PNKP: variants seen among roughly 807,000 people sequenced by gnomAD.
PNKP encodes the protein bifunctional polynucleotide phosphatase/kinase.
In PNKP, 82 loss-of-function variants were observed where a neutral mutation model predicts 66.2. That is an observed-to-expected ratio of 1.24 (90% CI 1.04 to 1.49). The LOEUF is 1.49. Among genes scored for constraint, PNKP ranks in the 40% most tolerant of loss-of-function variants. The probability of loss-of-function intolerance (pLI) is 0.00; values close to 1 mark genes in which losing one functional copy is unlikely to be tolerated. For missense variants in PNKP, 907 were observed against 706.8 expected, an observed-to-expected ratio of 1.28 and a Z score of -3.21; for synonymous variants, 412 against 298.9, an observed-to-expected ratio of 1.38 and a Z score of -3.90.
intron 4 of PNKP, 50 bp from the exon 5 acceptor site, chr19:49,864,453 C>T: frequency 7.1e-7 from 1 of 1,401,770 alleles, no homozygotes; most frequent in Non-Finnish European, 1.0e-6. Flanking sequence ...ACCTCTGACC[C>T]TCCTCACTCA....
chr19:49,862,020 G>A (rs370351286), intron 13 of PNKP, 24 bp downstream of exon 13: 1 of 1,613,246 alleles, frequency 6.2e-7, no homozygotes, highest in Non-Finnish European at 8.5e-7. Flanking sequence ...TAATAGATTT[G>A]GGGCGGCAAA....
chr19:49,866,321 A>G, intron 3 of PNKP, 78 bp downstream of exon 3: 1 of 1,306,872 alleles, frequency 7.7e-7, no homozygotes, highest in Middle Eastern at 2.0e-4. Flanking sequence ...TTCCTAATGT[A>G]CCCCTTCACT....
rs1042120334 is a variant in PNKP, at chr19:49,862,437, G to A, written c.963C>T (p.Phe321=). The part of the protein sequence containing the change: ...RLFALNLGLP[F]ATPEEFFLKW... ...TGAGAAAGAACTCCTCAGGCGTGGC[G>A]AAGGGCAGGCCAAGGTTGAGGGCAA... is the stretch of plus-strand genomic sequence containing the variant. Residue 321 remains phenylalanine, a synonymous_variant, in exon 11 of 17, where the codon TTC becomes TTT. Coordinates refer to ENST00000322344, the MANE Select transcript of PNKP (RefSeq NM_007254.4). 5.7e-6 allele frequency: 9 copies of A among 1,585,822 alleles called. No homozygotes were observed. The highest frequency in any genetic ancestry group is 7.7e-6 in the Non-Finnish European group (9 of 1,165,958).
At position 49,867,098 on chromosome 19, in the gene PNKP, C is replaced by A. The variant is rs756589726; in HGVS notation, c.107G>T (p.Gly36Val). ...SDGQALVLGRGPLTQVTDRKC... is the reference protein window; with the variant it reads ...SDGQALVLGRVPLTQVTDRKC... ...CCGGTCCGTAACCTGGGTCAGGGGT[C>A]CCCTGCCCAGGACCAGGGCTTGCCC... Residue 36 changes from glycine (G) to valine (V), a missense_variant, in exon 2 of 17, where the codon GGA (glycine) becomes GTA (valine). Gly to Val is a moderately radical substitution (Grantham distance 109). Transcript: ENST00000322344. The A allele has an allele frequency of 3.1e-6, 5 of 1,613,608 alleles. No homozygotes were observed. In the African/African-American group the frequency reaches 6.7e-5, roughly 22 times the overall value.
chr19:49,865,459 T>A, intron 3 of PNKP, 33 bp from the exon 4 acceptor site: 1 of 1,523,612 alleles, frequency 6.6e-7, no homozygotes, highest in Non-Finnish European at 8.9e-7. Context: ...TGGGACTGGC[T>A]CCGCCCCCAC....
At position 49,864,410 on chromosome 19, in the gene PNKP, T is replaced by C; in HGVS notation, c.499-7A>G. 6.2e-7 allele frequency: 1 copy of C among 1,610,982 alleles called. No homozygotes were observed. The highest frequency in any genetic ancestry group is 8.5e-7 in the Non-Finnish European group (1 of 1,177,374). On this transcript the variant is annotated splice_polypyrimidine_tract_variant and splice_region_variant and intron_variant, in intron 4 of 16. Coordinates refer to ENST00000322344, the MANE Select transcript of PNKP (RefSeq NM_007254.4). ...CCAGATCAAAGCCAGCCACCTGGTG[T>C]CACCAAGGAAAGACAAACAGCAGCA...
rs115259839 is a variant in PNKP, at chr19:49,864,058, G to C, written c.650C>G (p.Thr217Ser). 307 of 1,613,894 alleles carry C rather than the reference G, an allele frequency of 1.9e-4. 2 individuals are homozygous for C. In the African/African-American group the frequency reaches 3.6e-3, roughly 19 times the overall value. Reference sequence around the variant, plus strand: ...CCCGCGCCCGATGCTCATCTGGTTGGTGAAGATCACCAGCTGGGGAGCAAA... The same window carrying C: ...CCCGCGCCCGATGCTCATCTGGTTGCTGAAGATCACCAGCTGGGGAGCAAA... ...EAEGYKLVIF[T>S]NQMSIGRGKL... Residue 217 changes from threonine to serine, a missense_variant, in exon 7 of 17, where the codon ACC becomes AGC. By Grantham distance (58) the Thr-to-Ser change is moderately conservative (BLOSUM62 1). Coordinates refer to ENST00000322344, the MANE Select transcript of PNKP (RefSeq NM_007254.4).
intron 2 of PNKP, chr19:49,866,805 T>G: frequency 1.7e-6 from 1 of 600,474 alleles, no homozygotes; most frequent in Non-Finnish European, 3.0e-6. Context: ...TGTTTCTGGA[T>G]TTCCCGATGG....
At position 49,865,584 on chromosome 19, in the gene PNKP, T is replaced by A. The variant is rs2074812936; in HGVS notation, c.199-158A>T. ...ACGGGCTTTGGAACGGTTACAGGTTTTCAGCCTTGTCCGAATCTTTTTTTT... is the reference window on the plus strand; with the variant it reads ...ACGGGCTTTGGAACGGTTACAGGTTATCAGCCTTGTCCGAATCTTTTTTTT... On this transcript the variant is annotated intron_variant, in intron 3 of 16. Coordinates refer to ENST00000322344, the MANE Select transcript of PNKP (RefSeq NM_007254.4). 8.4e-6 allele frequency: 5 copies of A among 595,530 alleles called. No homozygotes were observed. In the South Asian group the frequency reaches 1.0e-4, roughly 12 times the overall value. The allele number at this position is 595,530 out of a possible 1,614,324, so 36.9% of individuals were successfully genotyped here.
Position 49,861,591 on chromosome 19 carries a change from G to A in PNKP, c.1386+17C>T, listed in dbSNP as rs909658742. The A allele has an allele frequency of 1.9e-6, 3 of 1,559,050 alleles. No homozygotes were observed. Among genetic ancestry groups the A allele is most frequent in the African/African-American group, 1.4e-5 (1 of 73,554 alleles). On this transcript the variant is annotated intron_variant, in intron 15 of 16. Transcript: ENST00000322344. The stretch of plus-strand genomic sequence containing the variant: ...AGGGGGTGCAGCCCGGGGGGTGTCC[G>A]GGCTGAGCGGGCTCACCCGGTTGTT...
Position 49,861,656 on chromosome 19 carries a change from G to C in PNKP, c.1338C>G (p.Arg446=), listed in dbSNP as rs1487681927. 6.4e-7 allele frequency: 1 copy of C among 1,550,568 alleles called. No individual in the cohort carries two copies. Among genetic ancestry groups the C allele is most frequent in the Non-Finnish European group, 8.7e-7 (1 of 1,147,214 alleles). Residue 446 remains arginine (R), a synonymous_variant, in exon 15 of 17, where the codon CGC becomes CGG. Transcript: ENST00000322344. ...QCARAAGVPC[R]CFLFTATLEQ... is the part of the protein sequence containing the mutation. Reference sequence around the variant, plus strand: ...CCAGAGTGGCGGTGAAGAGGAAGCAGCGGCAGGGGACGCCCGCGGCTCGGG... The same window carrying C: ...CCAGAGTGGCGGTGAAGAGGAAGCACCGGCAGGGGACGCCCGCGGCTCGGG...
chr19:49,866,905 A>T, intron 2 of PNKP, 149 bp downstream of exon 2: 2 of 828,322 alleles, frequency 2.4e-6, no homozygotes, highest in Non-Finnish European at 4.3e-6. Flanking sequence ...AATCAAGCAC[A>T]AACTTTATCT....
chr19:49,862,613 A>G lies in PNKP; in HGVS notation c.866-5T>C. ...TGGCCGGGCGTCCGGCTGCGTCTGG[A>G]ACACACGGGACACCCCGTTCCCACC... On this transcript the variant is annotated splice_polypyrimidine_tract_variant and splice_region_variant and intron_variant, in intron 9 of 16. Coordinates refer to ENST00000322344, the MANE Select transcript of PNKP (RefSeq NM_007254.4). The G allele has an allele frequency of 1.9e-6, 3 of 1,613,848 alleles. No homozygotes were observed. Among genetic ancestry groups the G allele is most frequent in the Non-Finnish European group, 2.5e-6 (3 of 1,179,874 alleles).
Position 49,865,267 on chromosome 19 carries a change from G to T in PNKP, c.358C>A (p.Pro120Thr). The change falls in exon 4 of 17, where the codon CCT becomes ACT. Residue 120 changes from proline (P) to threonine (T), a missense_variant. Transcript: ENST00000322344. Reference protein sequence around the residue: ...RTPESQPDTPPGTPLVSQDEK... With the variant: ...RTPESQPDTPTGTPLVSQDEK... ...TCTTGGGACACCAGAGGGGTGCCAGGCGGAGTATCTGGCTGGGATTCTGGT... is the reference window on the plus strand; with the variant it reads ...TCTTGGGACACCAGAGGGGTGCCAGTCGGAGTATCTGGCTGGGATTCTGGT... 2 of 1,614,214 alleles carry T rather than the reference G, an allele frequency of 1.2e-6. No individual in the cohort carries two copies. Among genetic ancestry groups the T allele is most frequent in the Non-Finnish European group, 1.7e-6 (2 of 1,180,020 alleles).
chr19:49,863,682 G>GACTC lies in PNKP; in HGVS notation c.816+3_816+6dup. Reference sequence around the variant, plus strand: ...AGGAGGGGGGCCGGGCAGGCTGCAAGACTCACCTGCTCCTGCAGATGGTCC... The same window carrying GACTC: ...AGGAGGGGGGCCGGGCAGGCTGCAAGACTCACTCACCTGCTCCTGCAGATGGTCC... On this transcript the variant is annotated splice_region_variant and intron_variant, in intron 8 of 16. Coordinates refer to ENST00000322344, the MANE Select transcript of PNKP (RefSeq NM_007254.4). 1 of 1,551,178 alleles carries GACTC rather than the reference G, an allele frequency of 6.4e-7. No individual in the cohort carries two copies. The highest frequency in any genetic ancestry group is 8.7e-7 in the Non-Finnish European group (1 of 1,145,988).
At position 49,862,094 on chromosome 19, in the gene PNKP, T is replaced by G; in HGVS notation, c.1138A>C (p.Thr380Pro). The stretch of plus-strand genomic sequence containing the variant: ...GACACGAGGTGCTTCTTGAGAAAGG[T>G]GGACTTCCCGGCTGTGTGGGGGGCA... ...AVGFPGAGKSTFLKKHLVSAG... is the reference protein window; with the variant it reads ...AVGFPGAGKSPFLKKHLVSAG... Residue 380 changes from threonine (T) to proline (P), a missense_variant, in exon 13 of 17, where the codon ACC becomes CCC. Physicochemically the swap from Thr to Pro is conservative, Grantham distance 38 (BLOSUM62 -1). Coordinates refer to ENST00000322344, the MANE Select transcript of PNKP (RefSeq NM_007254.4). The G allele has an allele frequency of 3.1e-6, 5 of 1,613,986 alleles. No individual in the cohort carries two copies. The highest frequency in any genetic ancestry group is 4.2e-6 in the Non-Finnish European group (5 of 1,179,956).
chr19:49,867,123 C>T lies in PNKP; in HGVS notation c.82G>A (p.Gly28Arg). The change falls in exon 2 of 17, where the codon GGG (glycine) becomes AGG (arginine). Residue 28 changes from glycine to arginine, a missense_variant. Transcript: ENST00000322344. ...GAPPIFLPSD[G>R]QALVLGRGPL... ...CCCCTGCCCAGGACCAGGGCTTGCC[C>T]GTCCGAGGGCAGGAAGATGGGGGGC... 1.2e-6 allele frequency: 2 copies of T among 1,613,374 alleles called. No homozygotes were observed. The highest frequency in any genetic ancestry group is 1.7e-6 in the Non-Finnish European group (2 of 1,179,934).
At position 49,866,464 on chromosome 19, in the gene PNKP, G is replaced by C. The variant is rs755589465; in HGVS notation, c.152-19C>G. ...AGCTCCACTGAGGATTGGAGGGGTG[G>C]AGTCAGGATTTGCATCCTTGTGTGA... On this transcript the variant is annotated intron_variant, in intron 2 of 16. Transcript: ENST00000322344. 2 of 1,613,836 alleles carry C rather than the reference G, an allele frequency of 1.2e-6. No individual in the cohort carries two copies. Among genetic ancestry groups the C allele is most frequent in the Admixed American group, 3.3e-5 (2 of 60,026 alleles).
chr19:49,866,763 G>A, intron 2 of PNKP: 2 of 593,062 alleles, frequency 3.4e-6, no homozygotes, highest in Non-Finnish European at 6.0e-6. Context: ...TTTCTCCACA[G>A]GATCATTTTT....
Sources: gnomAD v4.1 joint callset for allele counts on GRCh38, gnomAD v4.1.1 for gene constraint, MANE v1.5 for transcripts, NCBI Gene and HGNC (gene_info 2026-07-23, HGNC 2026-07-21) for gene names.